The following NSL1 variants were observed in gnomAD, a reference collection of about 807,000 sequenced individuals.
The protein encoded by NSL1 is NSL1 component of MIS12 kinetochore complex.
A neutral mutation model predicts 25.4 loss-of-function variants in NSL1; 11 were observed. That is an observed-to-expected ratio of 0.43 (90% CI 0.27 to 0.72). The LOEUF is 0.72. NSL1 is among the 30% of genes least tolerant of loss of function. NSL1 has a pLI of 0.19. For synonymous variants in NSL1, 118 were observed against 120.6 expected (o/e 0.98, Z 0.14); for missense variants, 330 against 342.7 (o/e 0.96, Z 0.29).
Position 212,737,542 on chromosome 1 carries a change from C to T in NSL1, c.*866G>A. On this transcript the variant is annotated 3_prime_UTR_variant, in exon 6 of 6. Coordinates refer to ENST00000366977, the MANE Select transcript of NSL1 (RefSeq NM_015471.4). ...GTAAAGCCAATATCGTTTTCTCAGACTTCTCCCAGTGATTATATACCTGAT... is the reference window on the plus strand; with the variant it reads ...GTAAAGCCAATATCGTTTTCTCAGATTTCTCCCAGTGATTATATACCTGAT... The T allele has an allele frequency of 2.0e-6, 2 of 979,146 alleles. No homozygotes were observed. The highest frequency in any genetic ancestry group is 2.4e-6 in the Non-Finnish European group (2 of 824,178). 60.7% of individuals were successfully genotyped at this position (979,146 alleles called of 1,614,324 possible).
Position 212,730,285 on chromosome 1 carries a change from G to GTATT in NSL1, c.*8119_*8122dup. On this transcript the variant is annotated 3_prime_UTR_variant, in exon 6 of 6. Coordinates refer to ENST00000366977, the MANE Select transcript of NSL1 (RefSeq NM_015471.4). ...AAAAAAGAAATGCGCCAAGTCTCAG[G>GTATT]TATTTATGGACTGGTGAAGAGTTGT... is the stretch of plus-strand genomic sequence containing the variant. 1.0e-6 allele frequency: 1 copy of GTATT among 966,896 alleles called. No homozygotes were observed. The highest frequency in any genetic ancestry group is 1.2e-6 in the Non-Finnish European group (1 of 815,986). 59.9% of individuals were successfully genotyped at this position (966,896 alleles called of 1,614,324 possible).
In NSL1 at chr1:212,737,175, A is replaced by T; in HGVS notation, c.*1233T>A. 8 of 985,350 alleles carry T rather than the reference A, an allele frequency of 8.1e-6. No individual in the cohort carries two copies. Among genetic ancestry groups the T allele is most frequent in the Non-Finnish European group, 9.6e-6 (8 of 829,824 alleles). 61.0% of individuals were successfully genotyped at this position (985,350 alleles called of 1,614,324 possible). On this transcript the variant is annotated 3_prime_UTR_variant, in exon 6 of 6. Transcript: ENST00000366977. ...ACACAGCATCAAGATCAGTCTTTGT[A>T]CATTATTTCAATGAAAAACACATAG...
At chr1:212,777,521 C>T (rs189369309) in intron 4 of NSL1, among the ~76,000 whole-genome samples, 25 of 152,216 alleles carry the variant, frequency 1.6e-4, no homozygotes, top group African/African-American at 5.3e-4. Context: ...GTGTACACAA[C>T]GTTGATGGAG....
At chr1:212,762,159 A>G (rs1659600350) in intron 4 of NSL1, among the ~76,000 whole-genome samples, 1 of 151,852 alleles carries the variant, frequency 6.6e-6, no homozygotes, top group South Asian at 2.1e-4. Flanking sequence ...TTAACTAGGC[A>G]TGGTTGCGCA....
chr1:212,775,611 A>C, intron 4 of NSL1, among the ~76,000 whole-genome samples: 1 of 150,190 alleles, frequency 6.7e-6, no homozygotes, highest in East Asian at 1.9e-4. Context: ...GAAAAAAAAA[A>C]CAAAACAAAA....
At position 212,729,340 on chromosome 1, in the gene NSL1, G is replaced by A; in HGVS notation, c.*9068C>T. On this transcript the variant is annotated 3_prime_UTR_variant, in exon 6 of 6. Coordinates refer to ENST00000366977, the MANE Select transcript of NSL1 (RefSeq NM_015471.4). ...CCCTAACTGACGGCAAATTGCTTGT[G>A]GGCAGGGTCTGTGCCTTGGTTTACA... The A allele has an allele frequency of 1.0e-6, 1 of 981,892 alleles. No homozygotes were observed. Among genetic ancestry groups the A allele is most frequent in the Non-Finnish European group, 1.2e-6 (1 of 826,730 alleles). The allele number at this position is 981,892 out of a possible 1,614,324, so 60.8% of individuals were successfully genotyped here. A position where few individuals can be genotyped will look rare whatever the true frequency, so the allele number is the denominator to read the frequency against.
At chr1:212,768,969 C>T (rs1344661604) in intron 4 of NSL1, among the ~76,000 whole-genome samples, 1 of 151,920 alleles carries the variant, frequency 6.6e-6, no homozygotes, top group Admixed American at 6.6e-5. Flanking sequence ...CTTGAGCCTC[C>T]CAGGAGGTGG....
In NSL1 at chr1:212,726,924, G is replaced by T; in HGVS notation, c.*11484C>A. 1 of 455,898 alleles carries T rather than the reference G, an allele frequency of 2.2e-6. No individual in the cohort carries two copies. The highest frequency in any genetic ancestry group is 3.8e-6 in the Non-Finnish European group (1 of 261,722). The allele number at this position is 455,898 out of a possible 1,614,324, so 28.2% of individuals were successfully genotyped here. On this transcript the variant is annotated 3_prime_UTR_variant, in exon 6 of 6. Coordinates refer to ENST00000366977, the MANE Select transcript of NSL1 (RefSeq NM_015471.4). The stretch of plus-strand genomic sequence containing the variant: ...CTCTGATGGACACCAGCACAGCACG[G>T]ACTTTCCCGTCCTGTCTCTTCATGG...
At chr1:212,756,272 A>G (rs1659303140) in intron 4 of NSL1, among the ~76,000 whole-genome samples, 1 of 152,002 alleles carries the variant, frequency 6.6e-6, no homozygotes, top group African/African-American at 2.4e-5. Context: ...GGCATGCACC[A>G]CCATGCTTGG....
At chr1:212,749,252 T>A (rs775430927) in intron 4 of NSL1, among the ~76,000 whole-genome samples, 2 of 151,868 alleles carry the variant, frequency 1.3e-5, no homozygotes, top group African/African-American at 2.4e-5. Context: ...TAAGGTAAAA[T>A]CATATTCTTC....
chr1:212,740,635 T>C (rs1385172153), intron 4 of NSL1, among the ~76,000 whole-genome samples: 1 of 152,170 alleles, frequency 6.6e-6, no homozygotes, highest in Non-Finnish European at 1.5e-5. Context: ...TTGACAAGTG[T>C]ATACCAAGAC....
At position 212,777,068 on chromosome 1, in the gene NSL1, A is replaced by T. The variant is rs77836406; in HGVS notation, c.499+5304T>A. On this transcript the variant is annotated intron_variant, in intron 4 of 5. Transcript: ENST00000366977. ...TGACTCTCTGAAAAGACTAAAAAAA[A>T]AAAAACAAAAACAAAAACAACCTAG... Among the ~76,000 whole-genome samples the T allele has an allele frequency of 2.2e-3, 327 of 151,944 alleles. 1 individual carries two copies. The highest frequency in any genetic ancestry group is 7.4e-3 in the African/African-American group (305 of 41,488).
intron 4 of NSL1, among the ~76,000 whole-genome samples, chr1:212,742,945 TAGTCCTAAGGAC>T (rs1448392825): frequency 3.9e-5 from 6 of 152,260 alleles, no homozygotes; most frequent in African/African-American, 1.2e-4. Context: ...CATTTGGTTC[TAGTCCTAAGGAC>T]TCTCAAACTT....
In NSL1 at chr1:212,726,924, G is replaced by A; in HGVS notation, c.*11484C>T. The stretch of plus-strand genomic sequence containing the variant: ...CTCTGATGGACACCAGCACAGCACG[G>A]ACTTTCCCGTCCTGTCTCTTCATGG... On this transcript the variant is annotated 3_prime_UTR_variant, in exon 6 of 6. Transcript: ENST00000366977. 2.2e-6 allele frequency: 1 copy of A among 455,898 alleles called. No individual in the cohort carries two copies. Among genetic ancestry groups the A allele is most frequent in the South Asian group, 4.9e-5 (1 of 20,592 alleles). 28.2% of individuals were successfully genotyped at this position (455,898 alleles called of 1,614,324 possible). A position where few individuals can be genotyped will look rare whatever the true frequency, so the allele number is the denominator to read the frequency against.
At chr1:212,764,986 G>A (rs1375423540) in intron 4 of NSL1, among the ~76,000 whole-genome samples, 1 of 151,222 alleles carries the variant, frequency 6.6e-6, no homozygotes, top group Non-Finnish European at 1.5e-5. Context: ...AAAATCTAGA[G>A]GAGGTAGATA....
Position 212,728,112 on chromosome 1 carries a change from G to T in NSL1, c.*10296C>A. 1 of 967,450 alleles carries T rather than the reference G, an allele frequency of 1.0e-6. No homozygotes were observed. The highest frequency in any genetic ancestry group is 1.2e-6 in the Non-Finnish European group (1 of 813,620). The allele number at this position is 967,450 out of a possible 1,614,324, so 59.9% of individuals were successfully genotyped here. ...CACCTCTTTCTCATGAAATGGGCGT[G>T]GTAATAGCCCTTAATTCATGGATTG... On this transcript the variant is annotated 3_prime_UTR_variant, in exon 6 of 6. Coordinates refer to ENST00000366977, the MANE Select transcript of NSL1 (RefSeq NM_015471.4).
Position 212,760,499 on chromosome 1 carries a change from C to G in NSL1, c.500-20898G>C, listed in dbSNP as rs1659512493. Among the ~76,000 whole-genome samples, 1 of 152,106 alleles carries G rather than the reference C, an allele frequency of 6.6e-6. No individual in the cohort carries two copies. The highest frequency in any genetic ancestry group is 6.5e-5 in the Admixed American group (1 of 15,270). Reference sequence around the variant, plus strand: ...CCCCACTGGCCACTACTGCCGGCATCCACACACTCCTCCCCAGGGCTTGAG... The same window carrying G: ...CCCCACTGGCCACTACTGCCGGCATGCACACACTCCTCCCCAGGGCTTGAG... On this transcript the variant is annotated intron_variant, in intron 4 of 5. Coordinates refer to ENST00000366977, the MANE Select transcript of NSL1 (RefSeq NM_015471.4). This position sits in a 1 kb window ranked among gnomAD's most constrained non-coding sequence, Gnocchi z 4.3.
At chr1:212,743,082 A>C (rs950831023) in intron 4 of NSL1, among the ~76,000 whole-genome samples, 7 of 152,242 alleles carry the variant, frequency 4.6e-5, no homozygotes, top group Admixed American at 1.3e-4. Context: ...CTTAGGAAAA[A>C]ACAGGTATGA....
At chr1:212,757,659 A>G (rs1659378690) in intron 4 of NSL1, among the ~76,000 whole-genome samples, 1 of 152,142 alleles carries the variant, frequency 6.6e-6, no homozygotes, top group Non-Finnish European at 1.5e-5. Flanking sequence ...ACCAGCTCTC[A>G]GGTGAATTCA....
Sources: allele counts gnomAD v4.1 joint callset (sites outside exome capture counted in the v4.1 genomes callset), GRCh38; gene constraint gnomAD v4.1.1; non-coding constraint Gnocchi (gnomAD v3.1); transcripts MANE v1.5; gene names NCBI Gene and HGNC (gene_info 2026-07-23, HGNC 2026-07-21).